Variants in SH3BP1 observed in about 807,000 individuals in gnomAD.
SH3BP1 encodes the protein SH3 domain-binding protein 1.
Under a neutral mutation model 69.8 loss-of-function variants are expected in SH3BP1, and 46 were observed. That is an observed-to-expected ratio of 0.66 (90% CI 0.52 to 0.84). The LOEUF is 0.84. SH3BP1 is among the 40% of genes least tolerant of loss of function. SH3BP1 has a pLI of 0.00. For missense variants in SH3BP1, 868 were observed against 930.9 expected (o/e 0.93, Z 0.88); for synonymous variants, 403 against 378.0 (o/e 1.07, Z -0.77).
At chr22:37,639,930 G>A (rs999382313) in intron 1 of SH3BP1, 84 bp downstream of exon 1, 16 of 1,032,418 alleles carry the variant, frequency 1.5e-5, no homozygotes, top group East Asian at 9.6e-5. Context: ...CGGGGGTGGG[G>A]GAGGCTGGGG....
chr22:37,655,599 C>T lies in SH3BP1; in HGVS notation c.2021C>T (p.Ala674Val). The T allele has an allele frequency of 6.3e-7, 1 of 1,583,696 alleles. No individual in the cohort carries two copies. The highest frequency in any genetic ancestry group is 8.6e-7 in the Non-Finnish European group (1 of 1,165,526). ...DLGAATAEGG[A>V]PEAISGVPTP... ...GGGGCTGCCACAGCAGAGGGAGGAG[C>T]CCCTGAGGCTATCAGTGGGGTCCCC... Residue 674 changes from alanine to valine, a missense_variant, in exon 18 of 18, where the codon GCC (alanine) becomes GTC (valine). Ala to Val is a moderately conservative substitution (Grantham distance 64, BLOSUM62 0). Coordinates refer to ENST00000649765, the MANE Select transcript of SH3BP1 (RefSeq NM_018957.6).
chr22:37,642,244 GCTCCCTGCC>G (rs988685335), intron 3 of SH3BP1: 3 of 429,126 alleles, frequency 7.0e-6, no homozygotes, highest in Non-Finnish European at 1.3e-5. Flanking sequence ...CCTGGGGCAA[GCTCCCTGCC>G]CTCCCTGCAT....
chr22:37,651,825 T>C (rs1932884981), intron 16 of SH3BP1, among the ~76,000 whole-genome samples: 1 of 151,864 alleles, frequency 6.6e-6, no homozygotes, highest in Non-Finnish European at 1.5e-5. Flanking sequence ...ACCAGTGCGT[T>C]CTCTCTATAG....
chr22:37,650,466 G>T, intron 15 of SH3BP1, 76 bp from the exon 16 acceptor site: 2 of 1,540,326 alleles, frequency 1.3e-6, no homozygotes, highest in Non-Finnish European at 1.8e-6. Flanking sequence ...TCAGGGGAAG[G>T]GGAAACGGTC....
At position 37,646,707 on chromosome 22, in the gene SH3BP1, G is replaced by A. The variant is rs566629237; in HGVS notation, c.925-111G>A. The A allele has an allele frequency of 1.0e-4, 53 of 528,382 alleles. No homozygotes were observed. In the South Asian group the frequency reaches 1.6e-3, roughly 16 times the overall value. 32.7% of individuals were successfully genotyped at this position (528,382 alleles called of 1,614,324 possible). ...TGCCCACACTGCCAGCCAGACCAGC[G>A]GGGACACAGGCCTAGCAAAGGCCAG... On this transcript the variant is annotated intron_variant, in intron 10 of 17. Coordinates refer to ENST00000649765, the MANE Select transcript of SH3BP1 (RefSeq NM_018957.6).
intron 1 of SH3BP1, chr22:37,640,393 C>G (rs1246596220): frequency 6.6e-6 from 1 of 152,616 alleles, no homozygotes; most frequent in African/African-American, 2.4e-5. Context: ...TTCCTGGACT[C>G]AGGTGGAAAT....
At position 37,647,430 on chromosome 22, in the gene SH3BP1, C is replaced by T; in HGVS notation, c.1119-11C>T. 1 of 1,611,444 alleles carries T rather than the reference C, an allele frequency of 6.2e-7. No individual in the cohort carries two copies. Among genetic ancestry groups the T allele is most frequent in the Non-Finnish European group, 8.5e-7 (1 of 1,178,690 alleles). The stretch of plus-strand genomic sequence containing the variant: ...CTGCGCTGGCTGACAGGTCTCTCCA[C>T]TCCCCCCCAGCCTGAAGGAGCCAGG... On this transcript the variant is annotated splice_polypyrimidine_tract_variant and intron_variant, in intron 12 of 17. Coordinates refer to ENST00000649765, the MANE Select transcript of SH3BP1 (RefSeq NM_018957.6).
At position 37,641,115 on chromosome 22, in the gene SH3BP1, A is replaced by G. The variant is rs773127480; in HGVS notation, c.60-11A>G. On this transcript the variant is annotated splice_polypyrimidine_tract_variant and intron_variant, in intron 1 of 17. Coordinates refer to ENST00000649765, the MANE Select transcript of SH3BP1 (RefSeq NM_018957.6). ...AAGCACTCTCCCCCCCCCCCCCACC[A>G]CTCCCCGCAGCACCCCGGAGACCGC... 1.2e-6 allele frequency: 1 copy of G among 868,206 alleles called. No homozygotes were observed. The highest frequency in any genetic ancestry group is 1.7e-6 in the Non-Finnish European group (1 of 595,182). The allele number at this position is 868,206 out of a possible 1,614,324, so 53.8% of individuals were successfully genotyped here. A position where few individuals can be genotyped will look rare whatever the true frequency, so the allele number is the denominator to read the frequency against.
At chr22:37,645,836 T>C (rs917535266) in intron 10 of SH3BP1, among the ~76,000 whole-genome samples, 2 of 152,150 alleles carry the variant, frequency 1.3e-5, no homozygotes, top group African/African-American at 4.8e-5. Flanking sequence ...ACACACTGGC[T>C]GGATCTGCTG....
intron 15 of SH3BP1, 106 bp downstream of exon 15, chr22:37,650,355 C>A (rs1407543767): frequency 6.7e-7 from 1 of 1,499,728 alleles, no homozygotes; most frequent in South Asian, 1.3e-5. Context: ...GAAGTCTGAG[C>A]CTCAGTTTCT....
At chr22:37,653,353 T>C (rs1418224509) in intron 16 of SH3BP1, among the ~76,000 whole-genome samples, 3 of 150,862 alleles carry the variant, frequency 2.0e-5, no homozygotes, top group Non-Finnish European at 4.4e-5. Flanking sequence ...GGATAATTGC[T>C]TGAACTTTGG....
In SH3BP1 at chr22:37,640,270, A is replaced by C. The variant is rs193050950; in HGVS notation, c.59+424A>C. 64 of 161,394 alleles carry C rather than the reference A, an allele frequency of 4.0e-4. 1 individual carries two copies. The highest frequency in any genetic ancestry group is 3.0e-3 in the Middle Eastern group (1 of 332). The allele number at this position is 161,394 out of a possible 1,614,324, so 10.0% of individuals were successfully genotyped here. A position where few individuals can be genotyped will look rare whatever the true frequency, so the allele number is the denominator to read the frequency against. The stretch of plus-strand genomic sequence containing the variant: ...AGGGCCACAGACCTGGGGCGAGGGG[A>C]GGAGATGGGTCCTGGCCTGGTGGGA... On this transcript the variant is annotated intron_variant, in intron 1 of 17. Transcript: ENST00000649765.
Position 37,641,410 on chromosome 22 carries a change from C to G in SH3BP1, c.139C>G (p.His47Asp). ...QRLEPAKRAAHNIHKRLQACL... is the reference protein window; with the variant it reads ...QRLEPAKRAADNIHKRLQACL... ...GCTGGAGCCGGCCAAGCGGGCAGCC[C>G]ACAACATCCACAAGCGGCTGCAGGC... Residue 47 changes from histidine (H) to aspartate (D), a missense_variant, in exon 3 of 18, where the codon CAC (histidine) becomes GAC (aspartate). Transcript: ENST00000649765. 1 of 1,550,936 alleles carries G rather than the reference C, an allele frequency of 6.4e-7. No homozygotes were observed. Among genetic ancestry groups the G allele is most frequent in the African/African-American group, 1.4e-5 (1 of 73,182 alleles).
At chr22:37,649,016 G>T (rs1048268691) in intron 14 of SH3BP1, among the ~76,000 whole-genome samples, 1 of 151,872 alleles carries the variant, frequency 6.6e-6, no homozygotes, top group Non-Finnish European at 1.5e-5. Flanking sequence ...GAGCTGCCGC[G>T]CCTGGCTCGA....
chr22:37,648,520 T>G, intron 14 of SH3BP1, 85 bp downstream of exon 14: 47 of 893,276 alleles, frequency 5.3e-5, no homozygotes, highest in Non-Finnish European at 5.5e-5. Flanking sequence ...CCCGGGGCCT[T>G]GGTGTCCCCA....
Position 37,643,698 on chromosome 22 carries a change from G to T in SH3BP1, c.528G>T (p.Pro176=), listed in dbSNP as rs757495814. The change falls in exon 7 of 18, where the codon CCG becomes CCT. Residue 176 remains proline (P), a synonymous_variant. Coordinates refer to ENST00000649765, the MANE Select transcript of SH3BP1 (RefSeq NM_018957.6). ...GCAGTCAAGGCCTAGGAGGCAGCCC[G>T]GGTAGTCACAGCCATACGACCATGG... The part of the protein sequence containing the change: ...SGSSQGLGGS[P]GSHSHTTMAN... 6.2e-7 allele frequency: 1 copy of T among 1,614,000 alleles called. No individual in the cohort carries two copies. The highest frequency in any genetic ancestry group is 8.5e-7 in the Non-Finnish European group (1 of 1,180,036).
At chr22:37,652,366 G>A (rs1224256349) in intron 16 of SH3BP1, among the ~76,000 whole-genome samples, 8 of 151,650 alleles carry the variant, frequency 5.3e-5, no homozygotes, top group Non-Finnish European at 8.8e-5. Context: ...GCAAGGCTGT[G>A]TCTCTACAAA....
chr22:37,645,559 T>G, intron 10 of SH3BP1, 49 bp downstream of exon 10: 1 of 1,560,246 alleles, frequency 6.4e-7, no homozygotes, highest in Non-Finnish European at 8.7e-7. Flanking sequence ...GCCCTCATTC[T>G]GTCCCAAACC....
chr22:37,640,916 G>A, intron 1 of SH3BP1: 2 of 591,450 alleles, frequency 3.4e-6, no homozygotes. Flanking sequence ...GGTGGAGGAG[G>A]AAAAACCCAT....
Sources: gnomAD v4.1 joint callset for allele counts (sites outside exome capture counted in the v4.1 genomes callset) on GRCh38, gnomAD v4.1.1 for gene constraint, MANE v1.5 for transcripts, NCBI Gene and HGNC (gene_info 2026-07-23, HGNC 2026-07-21) for gene names.